NSMCE2: variants seen among roughly 807,000 people sequenced by gnomAD.
NSMCE2 encodes the protein NSE2 SUMO ligase component of SMC5/6 complex.
Under a neutral mutation model 23.8 loss-of-function variants are expected in NSMCE2, and 24 were observed. The ratio of observed to expected loss-of-function variants is 1.01; its 90% CI spans 0.73 to 1.42. NSMCE2 has a LOEUF of 1.42. Ranked by LOEUF, NSMCE2 falls within the 40% of genes most tolerant of loss-of-function variation. The pLI is 0.00. For missense variants in NSMCE2, 284 were observed against 296.5 expected (o/e 0.96, Z 0.31); for synonymous variants, 92 against 94.1 (o/e 0.98, Z 0.13).
intron 3 of NSMCE2, among the ~76,000 whole-genome samples, chr8:125,150,770 T>G (rs1820968092): frequency 6.6e-6 from 1 of 152,190 alleles, no homozygotes; most frequent in Non-Finnish European, 1.5e-5. Context: ...ATTTGACCTT[T>G]AACAATCCTT....
At chr8:125,278,740 A>G (rs904494269) in intron 5 of NSMCE2, among the ~76,000 whole-genome samples, 33 of 152,084 alleles carry the variant, frequency 2.2e-4, no homozygotes, top group African/African-American at 7.0e-4. Context: ...ATTCTGTAGT[A>G]TAAATTGCAG....
chr8:125,300,343 A>G (rs1008299965), intron 5 of NSMCE2, among the ~76,000 whole-genome samples: 3 of 151,346 alleles, frequency 2.0e-5, no homozygotes, highest in African/African-American at 7.3e-5. Context: ...TTTTTGTTTT[A>G]GTAGAGACAG....
In NSMCE2 at chr8:125,316,214, T is replaced by C. The variant is rs554818528; in HGVS notation, c.419-41005T>C. ...TCTAGTCTCCTAATTTGAGGTAGTTTCTACACAGTTTTCTTACCTTCAACA... is the reference window on the plus strand; with the variant it reads ...TCTAGTCTCCTAATTTGAGGTAGTTCCTACACAGTTTTCTTACCTTCAACA... On this transcript the variant is annotated intron_variant, in intron 5 of 7. Transcript: ENST00000287437. Among the ~76,000 whole-genome samples the C allele has an allele frequency of 1.3e-3, 194 of 152,372 alleles. 2 individuals are homozygous for C. Among genetic ancestry groups the C allele is most frequent in the African/African-American group, 4.4e-3 (183 of 41,600 alleles).
At chr8:125,136,994 T>C (rs1820101441) in intron 3 of NSMCE2, among the ~76,000 whole-genome samples, 2 of 152,154 alleles carry the variant, frequency 1.3e-5, no homozygotes, top group South Asian at 4.1e-4. Flanking sequence ...TATAATGATA[T>C]TTGTAGTTAA....
intron 5 of NSMCE2, among the ~76,000 whole-genome samples, chr8:125,233,771 G>C (rs747003444): frequency 6.6e-6 from 1 of 152,096 alleles, no homozygotes. Flanking sequence ...GTTGGTTTCT[G>C]TCAGAGACAT....
At chr8:125,123,066 A>G (rs943871463) in intron 3 of NSMCE2, among the ~76,000 whole-genome samples, 5 of 152,234 alleles carry the variant, frequency 3.3e-5, no homozygotes, top group Non-Finnish European at 7.3e-5. Flanking sequence ...ATCAAAATAT[A>G]AAGTGATACC....
intron 4 of NSMCE2, among the ~76,000 whole-genome samples, chr8:125,179,586 G>A (rs1412527151): frequency 1.3e-5 from 2 of 152,190 alleles, no homozygotes; most frequent in Non-Finnish European, 2.9e-5. Context: ...TCTTTGCAAT[G>A]GATGGCCATG....
Position 125,289,460 on chromosome 8 carries a change from G to T in NSMCE2, c.419-67759G>T, listed in dbSNP as rs111748749. 2.2e-3 allele frequency among the ~76,000 whole-genome samples: 341 copies of T among 152,280 alleles called. 1 individual carries two copies. The highest frequency in any genetic ancestry group is 7.7e-3 in the African/African-American group (321 of 41,556). The stretch of plus-strand genomic sequence containing the variant: ...CAGCTGTTGGCCCACCTCAGAATGG[G>T]TTAGAGGCCTTTCATCCATGCTGCT... On this transcript the variant is annotated intron_variant, in intron 5 of 7. Transcript: ENST00000287437.
intron 5 of NSMCE2, among the ~76,000 whole-genome samples, chr8:125,323,822 A>C (rs1829543365): frequency 6.6e-6 from 1 of 152,220 alleles, no homozygotes; most frequent in Non-Finnish European, 1.5e-5. Flanking sequence ...CAAAATTAGG[A>C]ACTTCTGTTC....
chr8:125,280,441 T>C (rs1827645345), intron 5 of NSMCE2, among the ~76,000 whole-genome samples: 1 of 152,238 alleles, frequency 6.6e-6, no homozygotes, highest in Non-Finnish European at 1.5e-5. Flanking sequence ...TTACATTCTT[T>C]TATTAAACAG....
At chr8:125,094,155 G>A (rs1222017321) in intron 1 of NSMCE2, among the ~76,000 whole-genome samples, 1 of 152,104 alleles carries the variant, frequency 6.6e-6, no homozygotes, top group African/African-American at 2.4e-5. Context: ...AGGGGAGAAG[G>A]AAACAGGAGA....
chr8:125,316,021 G>A (rs759408702), intron 5 of NSMCE2, among the ~76,000 whole-genome samples: 10 of 152,046 alleles, frequency 6.6e-5, no homozygotes, highest in Non-Finnish European at 1.2e-4. Context: ...TGCCCGGGCT[G>A]GTCTCAAATT....
At chr8:125,166,155 A>G (rs1215586200) in intron 4 of NSMCE2, among the ~76,000 whole-genome samples, 1 of 152,212 alleles carries the variant, frequency 6.6e-6, no homozygotes, top group Admixed American at 6.5e-5. Context: ...TAGAAAAGTC[A>G]TGGCACTTTG....
At chr8:125,272,129 T>G (rs1480276857) in intron 5 of NSMCE2, among the ~76,000 whole-genome samples, 1 of 149,592 alleles carries the variant, frequency 6.7e-6, no homozygotes, top group East Asian at 2.0e-4. Flanking sequence ...TTCTCCTGCC[T>G]CAGCCTCCCG....
rs535472068 is a variant in NSMCE2 at position 125,213,772 on chromosome 8, G to A, written c.418+31516G>A. 5.7e-5 allele frequency among the ~76,000 whole-genome samples: 6 copies of A among 104,596 alleles called. No individual in the cohort carries two copies. In the South Asian group the frequency reaches 1.0e-3, roughly 18 times the overall value. The allele number at this position is 104,596 out of a possible 152,430, so 68.6% of individuals were successfully genotyped here. On this transcript the variant is annotated intron_variant, in intron 5 of 7. Coordinates refer to ENST00000287437, the MANE Select transcript of NSMCE2 (RefSeq NM_173685.4). ...TCAACTGTACAGAGACCTGGAGGTC[G>A]CCAGGCTACCCATTCTGAAATGTGA...
intron 5 of NSMCE2, among the ~76,000 whole-genome samples, chr8:125,318,494 T>G (rs1323191927): frequency 6.6e-6 from 1 of 152,198 alleles, no homozygotes; most frequent in Non-Finnish European, 1.5e-5. Flanking sequence ...TATGGGGAAG[T>G]AGCCACCTTA....
At chr8:125,323,080 A>C (rs1436966762) in intron 5 of NSMCE2, among the ~76,000 whole-genome samples, 1 of 152,252 alleles carries the variant, frequency 6.6e-6, no homozygotes, top group Non-Finnish European at 1.5e-5. Flanking sequence ...TGTATATATG[A>C]AATACCTATC....
intron 5 of NSMCE2, among the ~76,000 whole-genome samples, chr8:125,208,667 T>A (rs527803119): frequency 6.6e-6 from 1 of 152,286 alleles, no homozygotes. Context: ...TTTCATACAA[T>A]TAACACCTGA....
At chr8:125,310,578 C>T (rs1172083151) in intron 5 of NSMCE2, among the ~76,000 whole-genome samples, 1 of 152,116 alleles carries the variant, frequency 6.6e-6, no homozygotes, top group African/African-American at 2.4e-5. Context: ...TTTAAATTCC[C>T]GGTTACTTTA....
Sources: allele counts gnomAD v4.1 joint callset (sites outside exome capture counted in the v4.1 genomes callset), GRCh38; gene constraint gnomAD v4.1.1; transcripts MANE v1.5; gene names NCBI Gene and HGNC (gene_info 2026-07-23, HGNC 2026-07-21).